Variants in ANTXR1 observed in about 807,000 individuals in gnomAD.
ANTXR1 encodes anthrax toxin receptor 1.
Under a neutral mutation model 78.1 loss-of-function variants are expected in ANTXR1, and 19 were observed. The observed-to-expected ratio is 0.24, with a 90% CI of 0.17 to 0.36. The LOEUF (loss-of-function observed/expected upper bound fraction) is 0.36, where lower values mean the gene tolerates loss of function less well. Ranked by LOEUF, ANTXR1 falls within the 10% of genes least tolerant of loss-of-function variation. The pLI, the probability that ANTXR1 is intolerant of heterozygous loss-of-function variation, is 1.00. For synonymous variants in ANTXR1, 273 were observed against 260.5 expected (o/e 1.05, Z -0.46); for missense variants, 518 against 718.6 (o/e 0.72, Z 3.19).
intron 3 of ANTXR1, among the ~76,000 whole-genome samples, chr2:69,064,166 A>C (rs1166731834): frequency 6.6e-6 from 1 of 152,218 alleles, no homozygotes; most frequent in Admixed American, 6.5e-5. Context: ...CCAGCATATC[A>C]TTGATTTATT....
At chr2:69,241,025 T>C (rs1159559128) in intron 17 of ANTXR1, among the ~76,000 whole-genome samples, 1 of 152,198 alleles carries the variant, frequency 6.6e-6, no homozygotes, top group African/African-American at 2.4e-5. Context: ...TTCTTAGAAT[T>C]TAATCTGAGA....
intron 9 of ANTXR1, among the ~76,000 whole-genome samples, chr2:69,094,489 A>C (rs964939000): frequency 2.6e-5 from 4 of 152,244 alleles, no homozygotes; most frequent in Non-Finnish European, 5.9e-5. Context: ...CCCTAGACAG[A>C]TATGTAAAGA....
At chr2:69,180,830 C>T (rs904889247) in intron 14 of ANTXR1, among the ~76,000 whole-genome samples, 2 of 152,030 alleles carry the variant, frequency 1.3e-5, no homozygotes, top group South Asian at 2.1e-4. Flanking sequence ...ATGAAGAGAC[C>T]GCGGCTACTT....
At chr2:69,138,678 C>T (rs1412833292) in intron 12 of ANTXR1, among the ~76,000 whole-genome samples, 2 of 152,188 alleles carry the variant, frequency 1.3e-5, no homozygotes, top group Non-Finnish European at 2.9e-5. Context: ...ATTCCTTTGC[C>T]ATTACTGTGG....
intron 17 of ANTXR1, among the ~76,000 whole-genome samples, chr2:69,237,460 A>G (rs1170980329): frequency 1.3e-5 from 2 of 152,024 alleles, no homozygotes; most frequent in African/African-American, 4.8e-5. Flanking sequence ...ACAGGGTCTC[A>G]CTCTGTTGCC....
At chr2:69,194,284 C>T (rs1283903797) in intron 17 of ANTXR1, among the ~76,000 whole-genome samples, 1 of 152,192 alleles carries the variant, frequency 6.6e-6, no homozygotes, top group African/African-American at 2.4e-5. Flanking sequence ...CAAGTTTTCC[C>T]TCAACTACCA....
rs1670919722 is a variant in ANTXR1, at chr2:69,013,334, G to A, written c.-166G>A. The A allele has an allele frequency of 2.2e-6, 2 of 913,738 alleles. No individual in the cohort carries two copies. Among genetic ancestry groups the A allele is most frequent in the South Asian group, 1.5e-5 (1 of 64,808 alleles). The allele number at this position is 913,738 out of a possible 1,614,324, so 56.6% of individuals were successfully genotyped here. On this transcript the variant is annotated 5_prime_UTR_variant, in exon 1 of 18. Transcript: ENST00000303714. This position sits in a 1 kb window ranked among gnomAD's most constrained non-coding sequence, Gnocchi z 5.0. ...ACAGCATCGGAGCGGAAACCAGAGG[G>A]GAAACCTTGAACTCCTCCAGACAAT...
At chr2:69,134,822 T>C (rs1672864580) in intron 12 of ANTXR1, among the ~76,000 whole-genome samples, 1 of 152,156 alleles carries the variant, frequency 6.6e-6, no homozygotes, top group Admixed American at 6.5e-5. Flanking sequence ...GAATAATCTG[T>C]TTTCAAGTAA....
At chr2:69,133,407 C>T (rs1318220542) in intron 12 of ANTXR1, among the ~76,000 whole-genome samples, 1 of 152,180 alleles carries the variant, frequency 6.6e-6, no homozygotes, top group Non-Finnish European at 1.5e-5. Context: ...GCTTCTTACT[C>T]ATTCAGTGTC....
chr2:69,037,334 C>T (rs1272154812), intron 1 of ANTXR1, among the ~76,000 whole-genome samples: 1 of 152,192 alleles, frequency 6.6e-6, no homozygotes, highest in Non-Finnish European at 1.5e-5. Context: ...AGACCGATTG[C>T]CACCCAGTAT....
At position 69,157,597 on chromosome 2, in the gene ANTXR1, A is replaced by G. The variant is rs116715991; in HGVS notation, c.1047+5333A>G. ...GTCTTCTTCTGTCCCTCCTTGTCTT[A>G]TCTCACTTTGGAGCTGCCTACAGCA... On this transcript the variant is annotated intron_variant, in intron 13 of 17. Transcript: ENST00000303714. Among the ~76,000 whole-genome samples the G allele has an allele frequency of 7.3e-3, 1,116 of 152,120 alleles. 18 individuals carry two copies. The highest frequency in any genetic ancestry group is 0.026 in the African/African-American group (1,061 of 41,484).
intron 8 of ANTXR1, chr2:69,090,497 A>G (rs917329731): frequency 3.0e-6 from 1 of 337,112 alleles, no homozygotes; most frequent in East Asian, 7.3e-5. Context: ...CCTTGCACCT[A>G]CCAATAGGAG....
chr2:69,189,967 G>A (rs1293409909), intron 16 of ANTXR1, among the ~76,000 whole-genome samples: 1 of 152,178 alleles, frequency 6.6e-6, no homozygotes, highest in African/African-American at 2.4e-5. Context: ...AGAGGACTGG[G>A]CTGAGTATAG....
chr2:69,017,040 G>T (rs1671047216), intron 1 of ANTXR1, among the ~76,000 whole-genome samples: 1 of 152,300 alleles, frequency 6.6e-6, no homozygotes, highest in South Asian at 2.1e-4. Flanking sequence ...ACTTCCTTTA[G>T]CTGTTCTGTT....
chr2:69,039,945 G>A, intron 1 of ANTXR1, 99 bp from the exon 2 acceptor site: 2 of 973,406 alleles, frequency 2.1e-6, no homozygotes, highest in South Asian at 1.4e-5. Context: ...CCAGTTATTG[G>A]AGAGGTCAAA....
In ANTXR1 at chr2:69,102,858, C is replaced by G. The variant is rs182343000; in HGVS notation, c.720C>G (p.Val240=). 1 of 1,614,056 alleles carries G rather than the reference C, an allele frequency of 6.2e-7. No homozygotes were observed. The highest frequency in any genetic ancestry group is 1.1e-5 in the South Asian group (1 of 91,074). ...TTATTTCAGAGTCATTTCAAGTTGTCGTGAGAGGAAACGGCTTCCGACATG... is the reference window on the plus strand; with the variant it reads ...TTATTTCAGAGTCATTTCAAGTTGTGGTGAGAGGAAACGGCTTCCGACATG... ...TICAGESFQV[V]VRGNGFRHAR... The change falls in exon 10 of 18, where the codon GTC becomes GTG. Residue 240 remains valine, a synonymous_variant. Coordinates refer to ENST00000303714, the MANE Select transcript of ANTXR1 (RefSeq NM_032208.3).
chr2:69,117,853 G>A (rs556930976), intron 10 of ANTXR1, among the ~76,000 whole-genome samples: 7 of 152,190 alleles, frequency 4.6e-5, no homozygotes, highest in African/African-American at 1.4e-4. Flanking sequence ...GATTTGAGTC[G>A]GTGTGATCTG....
At chr2:69,118,353 C>G (rs969564936) in intron 10 of ANTXR1, among the ~76,000 whole-genome samples, 2 of 152,022 alleles carry the variant, frequency 1.3e-5, no homozygotes, top group Non-Finnish European at 2.9e-5. Context: ...TCACTTAAAG[C>G]ACAGAAGATT....
intron 16 of ANTXR1, among the ~76,000 whole-genome samples, chr2:69,188,770 A>G (rs1674484941): frequency 6.6e-6 from 1 of 152,232 alleles, no homozygotes; most frequent in Non-Finnish European, 1.5e-5. Flanking sequence ...ACAGACATCC[A>G]AGTCTGAGAT....
Sources: gnomAD v4.1 joint callset for allele counts (sites outside exome capture counted in the v4.1 genomes callset) on GRCh38, gnomAD v4.1.1 for gene constraint, Gnocchi (gnomAD v3.1) non-coding constraint, MANE v1.5 for transcripts, NCBI Gene and HGNC (gene_info 2026-07-23, HGNC 2026-07-21) for gene names.